Variants in ZBTB37 observed in about 807,000 individuals in gnomAD.
The protein encoded by ZBTB37 is zinc finger and BTB domain containing 37.
In ZBTB37, 15 loss-of-function variants were observed where a neutral mutation model predicts 37.7. The ratio of observed to expected loss-of-function variants is 0.40; its 90% confidence interval spans 0.27 to 0.61. The LOEUF (loss-of-function observed/expected upper bound fraction) is 0.61, where lower values mean the gene tolerates loss of function less well. Ranked by LOEUF, ZBTB37 falls within the 20% of genes least tolerant of loss-of-function variation. The pLI, the probability that ZBTB37 is intolerant of heterozygous loss-of-function variation, is 0.44. For synonymous variants in ZBTB37, 231 were observed against 220.6 expected (o/e 1.05, Z -0.42); for missense variants, 514 against 641.9 (o/e 0.80, Z 2.15).
exon 4 of ZBTB37, chr1:173,897,135 A>G (rs972433970): frequency 5.9e-5 from 9 of 152,346 alleles, no homozygotes; most frequent in Admixed American, 5.9e-4. Flanking sequence ...AAGATAGTTC[A>G]TGCAAATAAC....
chr1:173,875,849 G>C (rs1291834790), intron 4 of ZBTB37, among the ~76,000 whole-genome samples: 1 of 151,790 alleles, frequency 6.6e-6, no homozygotes, highest in Non-Finnish European at 1.5e-5. Flanking sequence ...AGTGGAAATG[G>C]CGTTGCACCA....
intron 3 of ZBTB37, 70 bp from the exon 4 acceptor site, chr1:173,873,397 G>T: frequency 6.8e-7 from 1 of 1,460,530 alleles, no homozygotes; most frequent in South Asian, 1.4e-5. Flanking sequence ...AAAGAGGGGC[G>T]ACATCACCAT....
chr1:173,873,596 G>A (rs1655712674), intron 4 of ZBTB37, 30 bp downstream of exon 4: 2 of 1,612,726 alleles, frequency 1.2e-6, no homozygotes, highest in African/African-American at 2.7e-5. Context: ...GAACTGCTTT[G>A]GTGGTTGGAG....
chr1:173,870,108 C>A, intron 2 of ZBTB37, 92 bp from the exon 3 acceptor site: 1 of 822,516 alleles, frequency 1.2e-6, no homozygotes, highest in South Asian at 2.4e-5. Flanking sequence ...GAAACTTTAC[C>A]AGATAACTAT....
At chr1:173,890,033 T>C (rs1656784667), downstream of ZBTB37, 1 of 152,180 alleles carries the variant, frequency 6.6e-6, no homozygotes, top group Non-Finnish European at 1.5e-5. Flanking sequence ...CTTCATTTTT[T>C]TCTTTTTTTT....
exon 3 of ZBTB37, chr1:173,870,628 G>A (rs1655482576): frequency 2.5e-6 from 4 of 1,614,088 alleles, no homozygotes; most frequent in Non-Finnish European, 2.5e-6. Context: ...GGCTGAGGTT[G>A]AAGCAGAATT....
intron 4 of ZBTB37, among the ~76,000 whole-genome samples, chr1:173,874,503 A>G (rs1655806095): frequency 6.6e-6 from 1 of 151,802 alleles, no homozygotes; most frequent in South Asian, 2.1e-4. Context: ...GGCACCTGCC[A>G]CCACGCCCGG....
chr1:173,882,282 T>C (rs1443378885), intron 4 of ZBTB37, among the ~76,000 whole-genome samples: 8 of 136,056 alleles, frequency 5.9e-5, no homozygotes, highest in African/African-American at 2.0e-4. Context: ...GGCTCTGTCG[T>C]CCAGGCTGGA....
At chr1:173,870,027 T>G (rs1392587550) in intron 2 of ZBTB37, among the ~76,000 whole-genome samples, 173 bp from the exon 3 acceptor site, 1 of 152,198 alleles carries the variant, frequency 6.6e-6, no homozygotes, top group African/African-American at 2.4e-5. Context: ...AAACTTAAAC[T>G]GAAAAACCTG....
exon 4 of ZBTB37, chr1:173,900,972 A>C (rs1313241970): frequency 6.6e-6 from 1 of 152,196 alleles, no homozygotes; most frequent in East Asian, 1.9e-4. Context: ...TTTTATGGGG[A>C]GAGAGTAGAG....
chr1:173,870,618 G>T (rs1483930046), exon 3 of ZBTB37: 2 of 1,614,036 alleles, frequency 1.2e-6, no homozygotes, highest in Non-Finnish European at 1.7e-6. Flanking sequence ...AAATTAATGT[G>T]GCTGAGGTTG....
intron 3 of ZBTB37, among the ~76,000 whole-genome samples, chr1:173,873,061 G>A (rs1197053312): frequency 6.6e-6 from 1 of 151,536 alleles, no homozygotes; most frequent in Non-Finnish European, 1.5e-5. Context: ...TAATCTCCAT[G>A]ATCTATATCA....
At chr1:173,898,296 A>G (rs1236305002) in exon 4 of ZBTB37, 2 of 151,924 alleles carry the variant, frequency 1.3e-5, no homozygotes, top group Non-Finnish European at 1.5e-5. Context: ...CCCCGTCTCT[A>G]CTAAAAATAC....
At chr1:173,892,824 T>C (rs1360790066) in exon 4 of ZBTB37, 1 of 152,142 alleles carries the variant, frequency 6.6e-6, no homozygotes, top group Non-Finnish European at 1.5e-5. Context: ...GAAAAAAACT[T>C]GTCTATTGCC....
intron 2 of ZBTB37, 146 bp from the exon 3 acceptor site, chr1:173,870,054 C>T: frequency 3.5e-6 from 2 of 570,404 alleles, no homozygotes; most frequent in Non-Finnish European, 5.8e-6. Flanking sequence ...ATTCTGTTTC[C>T]ACATCTAAAT....
chr1:173,872,867 C>T (rs958843157), intron 3 of ZBTB37, among the ~76,000 whole-genome samples: 24 of 151,830 alleles, frequency 1.6e-4, no homozygotes, highest in African/African-American at 4.6e-4. Flanking sequence ...ATTAGCTGAG[C>T]GTGGTGGCAC....
At chr1:173,869,277 C>T (rs963825933) in intron 2 of ZBTB37, among the ~76,000 whole-genome samples, 157 bp downstream of exon 2, 2 of 152,158 alleles carry the variant, frequency 1.3e-5, no homozygotes, top group Non-Finnish European at 2.9e-5. Flanking sequence ...AGTGAACGCA[C>T]ATTGGGCTTA....
chr1:173,884,867 A>G (rs562851409), intron 4 of ZBTB37, among the ~76,000 whole-genome samples: 2 of 152,360 alleles, frequency 1.3e-5, no homozygotes, highest in South Asian at 4.1e-4. Context: ...TGTATTAGCC[A>G]TATTACAAAT....
downstream of ZBTB37, chr1:173,887,232 C>A (rs1407099849): frequency 6.6e-6 from 1 of 152,192 alleles, no homozygotes; most frequent in Non-Finnish European, 1.5e-5. Context: ...ACCACAATTT[C>A]ATTTCCTTAT....
Sources: allele counts gnomAD v4.1 joint callset (sites outside exome capture counted in the v4.1 genomes callset), GRCh38; gene constraint gnomAD v4.1.1; transcripts MANE v1.5; gene names NCBI Gene and HGNC (gene_info 2026-07-23, HGNC 2026-07-21).